Variants in ANKRD61 observed in about 807,000 individuals in gnomAD.
ANKRD61 encodes the protein ankyrin repeat domain-containing protein 61.
In ANKRD61, 7 loss-of-function variants were observed where a neutral mutation model predicts 8.4. The observed-to-expected ratio is 0.84, with a 90% confidence interval of 0.48 to 1.57. The LOEUF is 1.57. ANKRD61 is among the 40% of genes most tolerant of loss of function. The probability of loss-of-function intolerance (pLI) is 0.00; values close to 1 mark genes in which losing one functional copy is unlikely to be tolerated. For synonymous variants in ANKRD61, 198 were observed against 208.0 expected, an observed-to-expected ratio of 0.95 and a Z score of 0.41; for missense variants, 516 against 523.4, an observed-to-expected ratio of 0.99 and a Z score of 0.14.
Position 6,032,892 on chromosome 7 carries a change from G to A in ANKRD61, c.270G>A (p.Gln90=). The stretch of plus-strand genomic sequence containing the variant: ...TGGCTGCCAAGTACCACAAGGCCCA[G>A]AGTCTGCTCTGCCTGTTACGGCACG... ...IHLAAKYHKA[Q]SLLCLLRHGA... The change falls in exon 2 of 3, where the codon CAG becomes CAA. Residue 90 remains glutamine (Q), a synonymous_variant. Transcript: ENST00000409061. The surrounding 1 kb of genome is among the most constrained non-coding windows in gnomAD (Gnocchi z 4.3). The A allele has an allele frequency of 6.4e-7, 1 of 1,551,076 alleles. No homozygotes were observed. Among genetic ancestry groups the A allele is most frequent in the East Asian group, 2.4e-5 (1 of 40,928 alleles).
intron 2 of ANKRD61, among the ~76,000 whole-genome samples, chr7:6,034,917 G>C (rs1291818137): frequency 6.6e-6 from 1 of 152,114 alleles, no homozygotes; most frequent in East Asian, 1.9e-4. Flanking sequence ...AAAAATGTCG[G>C]GTAGGAGAGC....
rs1227116674 is a variant in ANKRD61 at position 6,034,003 on chromosome 7, C to T, written c.314+1067C>T. Among the ~76,000 whole-genome samples, 2 of 151,864 alleles carry T rather than the reference C, an allele frequency of 1.3e-5. 1 individual carries two copies. The highest frequency in any genetic ancestry group is 2.9e-5 in the Non-Finnish European group (2 of 68,026). On this transcript the variant is annotated intron_variant, in intron 2 of 2. Transcript: ENST00000409061. ...GACACTTAGCACGTGCTCAGTAATACTATCCGAGTGAATGAAAGAATTAAG... is the reference window on the plus strand; with the variant it reads ...GACACTTAGCACGTGCTCAGTAATATTATCCGAGTGAATGAAAGAATTAAG...
In ANKRD61 at chr7:6,032,174, T is replaced by C. The variant is rs1002309787; in HGVS notation, c.216+583T>C. Among the ~76,000 whole-genome samples, 1 of 152,188 alleles carries C rather than the reference T, an allele frequency of 6.6e-6. No individual in the cohort carries two copies. Among genetic ancestry groups the C allele is most frequent in the Non-Finnish European group, 1.5e-5 (1 of 68,032 alleles). On this transcript the variant is annotated intron_variant, in intron 1 of 2. Coordinates refer to ENST00000409061, the MANE Select transcript of ANKRD61 (RefSeq NM_001271700.2). This position sits in a 1 kb window ranked among gnomAD's most constrained non-coding sequence, Gnocchi z 4.3. The stretch of plus-strand genomic sequence containing the variant: ...CTGGATGACAGAGCAAGACTCCATC[T>C]CAAACAAACAAACAAAAAATAGTTT...
In ANKRD61 at chr7:6,031,432, C is replaced by T; in HGVS notation, c.57C>T (p.Ser19=). 1.3e-6 allele frequency: 2 copies of T among 1,550,730 alleles called. No homozygotes were observed. Among genetic ancestry groups the T allele is most frequent in the Middle Eastern group, 1.7e-4 (1 of 5,994 alleles). Residue 19 remains serine, a synonymous_variant, in exon 1 of 3, where the codon TCC becomes TCT. Coordinates refer to ENST00000409061, the MANE Select transcript of ANKRD61 (RefSeq NM_001271700.2). ...SRDLVVDSAK[S]LEDGPSAALH... is the part of the protein sequence containing the mutation. Reference sequence around the variant, plus strand: ...ACCTGGTGGTTGACAGTGCCAAGTCCCTGGAAGATGGCCCATCTGCAGCAC... The same window carrying T: ...ACCTGGTGGTTGACAGTGCCAAGTCTCTGGAAGATGGCCCATCTGCAGCAC...
Position 6,031,694 on chromosome 7 carries a change from G to A in ANKRD61, c.216+103G>A. 4.4e-6 allele frequency: 5 copies of A among 1,125,334 alleles called. No individual in the cohort carries two copies. The South Asian group carries it at 5.8e-5, about 13-fold the overall frequency. 69.7% of individuals were successfully genotyped at this position (1,125,334 alleles called of 1,614,324 possible). A position where few individuals can be genotyped will look rare whatever the true frequency, so the allele number is the denominator to read the frequency against. ...CCCACTAAGCTCACGGCCCTTATGA[G>A]AATGAGACACGACTCCAGCTCACTC... On this transcript the variant is annotated intron_variant, in intron 1 of 2. Transcript: ENST00000409061.
In ANKRD61 at chr7:6,036,357, T is replaced by C. The variant is rs1163089092; in HGVS notation, c.1228T>C (p.Cys410Arg). Residue 410 changes from cysteine (C) to arginine (R), a missense_variant, in exon 3 of 3, where the codon TGC (cysteine) becomes CGC (arginine). Coordinates refer to ENST00000409061, the MANE Select transcript of ANKRD61 (RefSeq NM_001271700.2). This position sits in a 1 kb window ranked among gnomAD's most constrained non-coding sequence, Gnocchi z 4.6. Reference protein sequence around the residue: ...LPVTIWNSVYCCYDLAYTS With the variant: ...LPVTIWNSVYRCYDLAYTS Reference sequence around the variant, plus strand: ...AGTGACAATATGGAATTCTGTCTACTGCTGTTATGACTTGGCATATACCTC... The same window carrying C: ...AGTGACAATATGGAATTCTGTCTACCGCTGTTATGACTTGGCATATACCTC... The C allele has an allele frequency of 6.6e-7, 1 of 1,519,908 alleles. No homozygotes were observed. Among genetic ancestry groups the C allele is most frequent in the Non-Finnish European group, 8.8e-7 (1 of 1,134,974 alleles). 94.2% of individuals were successfully genotyped at this position (1,519,908 alleles called of 1,614,324 possible).
Position 6,032,784 on chromosome 7 carries a change from CA to C in ANKRD61, c.217-54del. On this transcript the variant is annotated intron_variant, in intron 1 of 2. Transcript: ENST00000409061. The surrounding 1 kb of genome is among the most constrained non-coding windows in gnomAD (Gnocchi z 4.3). ...CTTTGAAACGGCAAGCTAACACAAA[CA>C]GTATTTTTAACTACACAGGGCCACT... 7.1e-7 allele frequency: 1 copy of C among 1,402,494 alleles called. No homozygotes were observed. Among genetic ancestry groups the C allele is most frequent in the Non-Finnish European group, 9.8e-7 (1 of 1,016,990 alleles). 86.9% of individuals were successfully genotyped at this position (1,402,494 alleles called of 1,614,324 possible).
rs1432052785 is a variant in ANKRD61, at chr7:6,033,037, C to T, written c.314+101C>T. 17 of 960,208 alleles carry T rather than the reference C, an allele frequency of 1.8e-5. No homozygotes were observed. The highest frequency in any genetic ancestry group is 3.0e-4 in the Middle Eastern group (1 of 3,308). The allele number at this position is 960,208 out of a possible 1,614,324, so 59.5% of individuals were successfully genotyped here. Reference sequence around the variant, plus strand: ...AGGCTGGAGTGCAATGGCACAATCTCGCCTCACTGCAACCTCTACTTCCTG... The same window carrying T: ...AGGCTGGAGTGCAATGGCACAATCTTGCCTCACTGCAACCTCTACTTCCTG... On this transcript the variant is annotated intron_variant, in intron 2 of 2. Coordinates refer to ENST00000409061, the MANE Select transcript of ANKRD61 (RefSeq NM_001271700.2). This position sits in a 1 kb window ranked among gnomAD's most constrained non-coding sequence, Gnocchi z 4.4.
rs1187941842 is a variant in ANKRD61, at chr7:6,032,595, T to G, written c.217-244T>G. Among the ~76,000 whole-genome samples the G allele has an allele frequency of 2.0e-5, 3 of 152,202 alleles. No individual in the cohort carries two copies. Among genetic ancestry groups the G allele is most frequent in the Non-Finnish European group, 4.4e-5 (3 of 68,032 alleles). On this transcript the variant is annotated intron_variant, in intron 1 of 2. Coordinates refer to ENST00000409061, the MANE Select transcript of ANKRD61 (RefSeq NM_001271700.2). This position sits in a 1 kb window ranked among gnomAD's most constrained non-coding sequence, Gnocchi z 4.3. ...TTCAAAAATTTCCAAAGCTTTTGAG[T>G]GTTATTTCTGTTGCCTCAGTAAATG...
chr7:6,035,894 G>T lies in ANKRD61; in HGVS notation c.765G>T (p.Gly255=). 2 of 1,546,886 alleles carry T rather than the reference G, an allele frequency of 1.3e-6. No homozygotes were observed. The highest frequency in any genetic ancestry group is 2.7e-5 in the African/African-American group (2 of 73,078). ...CAAGCAAAGCAGGCCGACTCCTCGG[G>T]GCGGGGGTCAGCTGCATCCGTCTGC... is the stretch of plus-strand genomic sequence containing the variant. The part of the protein sequence containing the change: ...TASSKAGRLL[G]AGVSCIRLLL... The change falls in exon 3 of 3, where the codon GGG becomes GGT. Residue 255 remains glycine (G), a synonymous_variant. Coordinates refer to ENST00000409061, the MANE Select transcript of ANKRD61 (RefSeq NM_001271700.2). This position sits in a 1 kb window ranked among gnomAD's most constrained non-coding sequence, Gnocchi z 5.5.
In ANKRD61 at chr7:6,035,928, C is replaced by T. The variant is rs1788070017; in HGVS notation, c.799C>T (p.His267Tyr). The T allele has an allele frequency of 6.5e-7, 1 of 1,546,992 alleles. No individual in the cohort carries two copies. Among genetic ancestry groups the T allele is most frequent in the African/African-American group, 1.4e-5 (1 of 72,984 alleles). Residue 267 changes from histidine to tyrosine, a missense_variant, in exon 3 of 3, where the codon CAC becomes TAC. Transcript: ENST00000409061. The surrounding 1 kb of genome is among the most constrained non-coding windows in gnomAD (Gnocchi z 5.5). The part of the protein sequence containing the change: ...GVSCIRLLLT[H>Y]GAKVNAQDYK... ...CAGCTGCATCCGTCTGCTACTCACT[C>T]ACGGAGCCAAAGTCAACGCCCAGGA...
Position 6,035,839 on chromosome 7 carries a change from C to T in ANKRD61, c.710C>T (p.Thr237Met), listed in dbSNP as rs1404833507. 59 of 1,548,488 alleles carry T rather than the reference C, an allele frequency of 3.8e-5. No individual in the cohort carries two copies. Among genetic ancestry groups the T allele is most frequent in the South Asian group, 7.2e-5 (6 of 83,770 alleles). The change falls in exon 3 of 3, where the codon ACG becomes ATG. Residue 237 changes from threonine (T) to methionine (M), a missense_variant. Physicochemically the swap from Thr to Met is moderately conservative, Grantham distance 81. Transcript: ENST00000409061. The surrounding 1 kb of genome is among the most constrained non-coding windows in gnomAD (Gnocchi z 5.5). Reference sequence around the variant, plus strand: ...TGTGCTGTCTCTTCCACGGGGAACACGCCCCTGAAGCTTGCAGTGTGCACT... The same window carrying T: ...TGTGCTGTCTCTTCCACGGGGAACATGCCCCTGAAGCTTGCAGTGTGCACT... ...VNCAVSSTGN[T>M]PLKLAVCTAS...
chr7:6,036,187 G>T lies in ANKRD61; in HGVS notation c.1058G>T (p.Gly353Val), dbSNP rs867975463. The T allele has an allele frequency of 1.3e-6, 2 of 1,549,700 alleles. No individual in the cohort carries two copies. Among genetic ancestry groups the T allele is most frequent in the Non-Finnish European group, 1.7e-6 (2 of 1,146,550 alleles). Residue 353 changes from glycine to valine, a missense_variant, in exon 3 of 3, where the codon GGA becomes GTA. Coordinates refer to ENST00000409061, the MANE Select transcript of ANKRD61 (RefSeq NM_001271700.2). This position sits in a 1 kb window ranked among gnomAD's most constrained non-coding sequence, Gnocchi z 4.6. ...AATAACCAAGGAATTCTACCTGCAG[G>T]AATCATGCTACCAGAATTCCGCCTC... ...MTNNQGILPAGIMLPEFRLLR... is the reference protein window; with the variant it reads ...MTNNQGILPAVIMLPEFRLLR...
rs770727290 is a variant in ANKRD61, at chr7:6,032,964, CT to C, written c.314+37del. 51 of 1,512,222 alleles carry C rather than the reference CT, an allele frequency of 3.4e-5. No individual in the cohort carries two copies. Among genetic ancestry groups the C allele is most frequent in the African/African-American group, 6.9e-5 (5 of 71,986 alleles). The allele number at this position is 1,512,222 out of a possible 1,614,324, so 93.7% of individuals were successfully genotyped here. On this transcript the variant is annotated intron_variant, in intron 2 of 2. Coordinates refer to ENST00000409061, the MANE Select transcript of ANKRD61 (RefSeq NM_001271700.2). The surrounding 1 kb of genome is among the most constrained non-coding windows in gnomAD (Gnocchi z 4.3). ...AAGTTAACTCCACCGAAAATCATTT[CT>C]TTTTTTTTCTTTTTTGTTTTGAGGC... is the stretch of plus-strand genomic sequence containing the variant.
In ANKRD61 at chr7:6,036,069, C is replaced by A. The variant is rs929707737; in HGVS notation, c.940C>A (p.Pro314Thr). The A allele has an allele frequency of 6.4e-7, 1 of 1,550,958 alleles. No individual in the cohort carries two copies. Among genetic ancestry groups the A allele is most frequent in the Admixed American group, 2.0e-5 (1 of 50,956 alleles). Residue 314 changes from proline to threonine, a missense_variant, in exon 3 of 3, where the codon CCA becomes ACA. Pro to Thr is a conservative substitution (Grantham distance 38, BLOSUM62 -1). Coordinates refer to ENST00000409061, the MANE Select transcript of ANKRD61 (RefSeq NM_001271700.2). The surrounding 1 kb of genome is among the most constrained non-coding windows in gnomAD (Gnocchi z 4.6). ...CATTTTAACAAGAAACGGGGAATCT[C>A]CAATTTATATGTACCTTCAGCGCAG... ...VNILTRNGES[P>T]IYMYLQRSCN... is the part of the protein sequence containing the mutation.
In ANKRD61 at chr7:6,035,792, T is replaced by G. The variant is rs1788061002; in HGVS notation, c.663T>G (p.Ile221Met). Residue 221 changes from isoleucine (I) to methionine (M), a missense_variant, in exon 3 of 3, where the codon ATT becomes ATG. By Grantham distance (10) the Ile-to-Met change is conservative. Transcript: ENST00000409061. The surrounding 1 kb of genome is among the most constrained non-coding windows in gnomAD (Gnocchi z 5.5). ...ATAAGGAGATGATGGAAACGCTCAT[T>G]GCCTATGGAGCAAACGTCAACTGTG... The part of the protein sequence containing the change: ...MLNKEMMETL[I>M]AYGANVNCAV... 2 of 1,551,072 alleles carry G rather than the reference T, an allele frequency of 1.3e-6. No individual in the cohort carries two copies. The highest frequency in any genetic ancestry group is 1.7e-6 in the Non-Finnish European group (2 of 1,147,076).
intron 2 of ANKRD61, among the ~76,000 whole-genome samples, chr7:6,034,833 G>T (rs1339054629): frequency 6.6e-6 from 1 of 152,148 alleles, no homozygotes. Context: ...CCTGGAGCAG[G>T]GAATGAACTT....
chr7:6,035,890 T>A lies in ANKRD61; in HGVS notation c.761T>A (p.Leu254His). 1 of 1,546,686 alleles carries A rather than the reference T, an allele frequency of 6.5e-7. No individual in the cohort carries two copies. The highest frequency in any genetic ancestry group is 8.7e-7 in the Non-Finnish European group (1 of 1,144,572). Residue 254 changes from leucine (L) to histidine (H), a missense_variant, in exon 3 of 3, where the codon CTC becomes CAC. By Grantham distance (99) the Leu-to-His change is moderately conservative. Coordinates refer to ENST00000409061, the MANE Select transcript of ANKRD61 (RefSeq NM_001271700.2). The surrounding 1 kb of genome is among the most constrained non-coding windows in gnomAD (Gnocchi z 5.5). ...GCATCAAGCAAAGCAGGCCGACTCC[T>A]CGGGGCGGGGGTCAGCTGCATCCGT... ...CTASSKAGRL[L>H]GAGVSCIRLL...
At position 6,035,726 on chromosome 7, in the gene ANKRD61, A is replaced by G; in HGVS notation, c.597A>G (p.Glu199=). ...GTGCCGATGTCAATGCTATTAATGA[A>G]GCCAGCATGACACCCCTTCACATGG... The part of the protein sequence containing the change: ...QNGADVNAIN[E]ASMTPLHMAA... The change falls in exon 3 of 3, where the codon GAA becomes GAG. Residue 199 remains glutamate (E), a synonymous_variant. Coordinates refer to ENST00000409061, the MANE Select transcript of ANKRD61 (RefSeq NM_001271700.2). This position sits in a 1 kb window ranked among gnomAD's most constrained non-coding sequence, Gnocchi z 5.5. The G allele has an allele frequency of 1.3e-6, 2 of 1,551,018 alleles. No homozygotes were observed. Among genetic ancestry groups the G allele is most frequent in the Non-Finnish European group, 1.7e-6 (2 of 1,147,102 alleles).
Sources: allele counts gnomAD v4.1 joint callset (sites outside exome capture counted in the v4.1 genomes callset), GRCh38; gene constraint gnomAD v4.1.1; non-coding constraint Gnocchi (gnomAD v3.1); transcripts MANE v1.5; gene names NCBI Gene and HGNC (gene_info 2026-07-23, HGNC 2026-07-21).